The following ZNF510 variants were observed in gnomAD, a reference collection of about 807,000 sequenced individuals.
ZNF510 encodes zinc finger protein 510.
ZNF510 carries 15 observed loss-of-function variants against 18.1 expected under a neutral mutation model. The observed-to-expected ratio is 0.83, with a 90% CI of 0.55 to 1.28. The LOEUF (loss-of-function observed/expected upper bound fraction) is 1.28. Ranked by LOEUF, ZNF510 falls within the 50% of genes most tolerant of loss-of-function variation. The pLI, the probability that ZNF510 is intolerant of heterozygous loss-of-function variation, is 0.00. For missense variants in ZNF510, 724 were observed against 791.8 expected, an observed-to-expected ratio of 0.91 and a Z score of 1.03; for synonymous variants, 261 against 266.4, an observed-to-expected ratio of 0.98 and a Z score of 0.20.
intron 3 of ZNF510, 47 bp from the exon 4 acceptor site, chr9:96,763,679 G>C (rs1185714574): frequency 6.6e-7 from 1 of 1,506,466 alleles, no homozygotes; most frequent in Non-Finnish European, 8.9e-7. Flanking sequence ...AGAATTAGAT[G>C]ATGTAGAAAA....
intron 3 of ZNF510, among the ~76,000 whole-genome samples, chr9:96,765,069 C>T (rs148522955): frequency 4.0e-4 from 61 of 152,058 alleles, no homozygotes; most frequent in Admixed American, 8.5e-4. Context: ...GCTGAGATCG[C>T]GCCACTGCAC....
intron 3 of ZNF510, among the ~76,000 whole-genome samples, chr9:96,763,970 G>A (rs1391455905): frequency 6.6e-6 from 1 of 152,106 alleles, no homozygotes; most frequent in African/African-American, 2.4e-5. Flanking sequence ...GGTGGTATGT[G>A]CCTGTAGTCC....
intron 3 of ZNF510, among the ~76,000 whole-genome samples, chr9:96,766,621 C>T (rs10122201): frequency 0.059 from 8,972 of 151,874 alleles, 877 homozygotes; most frequent in African/African-American, 0.2. Flanking sequence ...CATAACATAA[C>T]TCTCTGGTTT....
At chr9:96,770,678 C>T (rs1370442079) in intron 3 of ZNF510, among the ~76,000 whole-genome samples, 4 of 151,830 alleles carry the variant, frequency 2.6e-5, no homozygotes, top group African/African-American at 9.7e-5. Context: ...TTAGAAATGT[C>T]CAGAATAGCC....
At chr9:96,773,024 C>T (rs1241819041) in intron 3 of ZNF510, among the ~76,000 whole-genome samples, 1 of 152,196 alleles carries the variant, frequency 6.6e-6, no homozygotes, top group Admixed American at 6.5e-5. Context: ...CAATGAAATA[C>T]AGCCCAGTGA....
intron 3 of ZNF510, among the ~76,000 whole-genome samples, chr9:96,773,114 T>A (rs1431455849): frequency 6.6e-6 from 1 of 152,206 alleles, no homozygotes; most frequent in East Asian, 1.9e-4. Context: ...ATTCTACTGG[T>A]ATCATATTCA....
In ZNF510 at chr9:96,759,314, G is replaced by T; in HGVS notation, c.1516C>A (p.His506Asn). 6.2e-7 allele frequency: 1 copy of T among 1,614,134 alleles called. No homozygotes were observed. Among genetic ancestry groups the T allele is most frequent in the Non-Finnish European group, 8.5e-7 (1 of 1,180,002 alleles). Residue 506 changes from histidine (H) to asparagine (N), a missense_variant, in exon 6 of 6, where the codon CAT (histidine) becomes AAT (asparagine). His to Asn is a moderately conservative substitution (Grantham distance 68). Coordinates refer to ENST00000223428, the MANE Select transcript of ZNF510 (RefSeq NM_014930.3). ...TFVQKSTLRD[H>N]HRIHTGEKSF... ...TTCTCCCCTGTGTGAATTCTGTGAT[G>T]ATCTCTGAGGGTGGACTTCTGAACA...
Position 96,760,428 on chromosome 9 carries a change from G to A in ZNF510, c.402C>T (p.Asp134=). ...DLIKQNKKIK[D]KHLEQAICIN... ...TACATATTGCTTGCTCCAAGTGTTTGTCTTTGATTTTCTTGTTCTGCTTGA... is the reference window on the plus strand; with the variant it reads ...TACATATTGCTTGCTCCAAGTGTTTATCTTTGATTTTCTTGTTCTGCTTGA... Residue 134 remains aspartate (D), a synonymous_variant, in exon 6 of 6, where the codon GAC becomes GAT. Transcript: ENST00000223428. 1 of 1,612,024 alleles carries A rather than the reference G, an allele frequency of 6.2e-7. No homozygotes were observed. The highest frequency in any genetic ancestry group is 8.5e-7 in the Non-Finnish European group (1 of 1,179,272).
In ZNF510 at chr9:96,759,132, G is replaced by A. The variant is rs770568746; in HGVS notation, c.1698C>T (p.His566=). ...KDHLIQHQKT[H]TGEKPFKCNE... ...TACATTTGAATGGTTTCTCTCCCGT[G>A]TGAGTTTTCTGATGTTGAATGAGAT... Residue 566 remains histidine (H), a synonymous_variant, in exon 6 of 6, where the codon CAC becomes CAT. Coordinates refer to ENST00000223428, the MANE Select transcript of ZNF510 (RefSeq NM_014930.3). 2.5e-6 allele frequency: 4 copies of A among 1,614,080 alleles called. No homozygotes were observed. Among genetic ancestry groups the A allele is most frequent in the Non-Finnish European group, 3.4e-6 (4 of 1,179,986 alleles).
Position 96,759,969 on chromosome 9 carries a change from A to G in ZNF510, c.861T>C (p.Phe287=). 1 of 1,613,264 alleles carries G rather than the reference A, an allele frequency of 6.2e-7. No individual in the cohort carries two copies. Among genetic ancestry groups the G allele is most frequent in the Non-Finnish European group, 8.5e-7 (1 of 1,179,936 alleles). Residue 287 remains phenylalanine, a synonymous_variant, in exon 6 of 6, where the codon TTT becomes TTC. Transcript: ENST00000223428. The part of the protein sequence containing the change: ...TGETSSKDDE[F]RKNCDKKTLF... ...GAGTTTTCTTATCACAATTTTTCCT[A>G]AATTCATCATCTTTAGAGGATGTTT... is the stretch of plus-strand genomic sequence containing the variant.
chr9:96,773,252 A>C (rs576445256), intron 3 of ZNF510, among the ~76,000 whole-genome samples: 75 of 152,318 alleles, frequency 4.9e-4, no homozygotes, highest in Non-Finnish European at 9.9e-4. Flanking sequence ...AAATCCATCC[A>C]GTTACACACT....
At position 96,755,326 on chromosome 9, in the gene ZNF510, T is replaced by G. The variant is rs1025112701; in HGVS notation, c.*3452A>C. ...GAGTAAAAAAAGTTTAAAGACAGAC[T>G]TGCTTTATATTAGGAAGTATTACAA... On this transcript the variant is annotated 3_prime_UTR_variant, in exon 6 of 6. Transcript: ENST00000223428. Among the ~76,000 whole-genome samples the G allele has an allele frequency of 9.8e-5, 15 of 152,328 alleles. No individual in the cohort carries two copies. Among genetic ancestry groups the G allele is most frequent in the Admixed American group, 9.8e-4 (15 of 15,304 alleles).
At chr9:96,773,274 T>A (rs1214974455) in intron 3 of ZNF510, among the ~76,000 whole-genome samples, 6 of 152,204 alleles carry the variant, frequency 3.9e-5, no homozygotes, top group Non-Finnish European at 7.3e-5. Context: ...CAGAGTACAC[T>A]TTACTGGTAT....
At chr9:96,775,919 G>A (rs1360627914) in intron 2 of ZNF510, 81 bp downstream of exon 2, 20 of 1,523,392 alleles carry the variant, frequency 1.3e-5, no homozygotes, top group Non-Finnish European at 1.7e-5. Context: ...CTTCCTTGGA[G>A]ACCATGGAGA....
chr9:96,759,600 C>T lies in ZNF510; in HGVS notation c.1230G>A (p.Gly410=). Residue 410 remains glycine, a synonymous_variant, in exon 6 of 6, where the codon GGG becomes GGA. Coordinates refer to ENST00000223428, the MANE Select transcript of ZNF510 (RefSeq NM_014930.3). ...GATGTCCTTTCTGACAGAAGGATTTCCCACATTCATTACATTTATAGGGTT... is the reference window on the plus strand; with the variant it reads ...GATGTCCTTTCTGACAGAAGGATTTTCCACATTCATTACATTTATAGGGTT... ...MMKPYKCNEC[G]KSFCQKGHLI... is the part of the protein sequence containing the mutation. 6.2e-7 allele frequency: 1 copy of T among 1,613,912 alleles called. No individual in the cohort carries two copies. The highest frequency in any genetic ancestry group is 8.5e-7 in the Non-Finnish European group (1 of 1,179,990).
chr9:96,775,271 G>C (rs1198418334), intron 2 of ZNF510, among the ~76,000 whole-genome samples: 1 of 152,004 alleles, frequency 6.6e-6, no homozygotes, highest in Non-Finnish European at 1.5e-5. Context: ...TGTAGCTTAG[G>C]CTGGTCTCGA....
At chr9:96,762,362 G>A (rs1268344933) in intron 5 of ZNF510, among the ~76,000 whole-genome samples, 1 of 151,436 alleles carries the variant, frequency 6.6e-6, no homozygotes, top group Non-Finnish European at 1.5e-5. Flanking sequence ...ACAAAAAATT[G>A]GCTGGGTGTG....
chr9:96,765,116 A>AC (rs1554796212), intron 3 of ZNF510, among the ~76,000 whole-genome samples: 4 of 152,020 alleles, frequency 2.6e-5, no homozygotes, highest in African/African-American at 9.7e-5. Flanking sequence ...CTTGTATAAA[A>AC]AACAACAACA....
Position 96,759,407 on chromosome 9 carries a change from G to A in ZNF510, c.1423C>T (p.Leu475Phe). Residue 475 changes from leucine to phenylalanine, a missense_variant, in exon 6 of 6, where the codon CTC becomes TTC. Physicochemically the swap from Leu to Phe is conservative, Grantham distance 22. Coordinates refer to ENST00000223428, the MANE Select transcript of ZNF510 (RefSeq NM_014930.3). ...CGKTFVQKST[L>F]RGHQRIHTGE... ...GTGTGAATTCTTTGATGTCCCCTGA[G>A]GGTTGACTTCTGGACAAATGTTTTT... The A allele has an allele frequency of 6.2e-7, 1 of 1,614,096 alleles. No individual in the cohort carries two copies. The highest frequency in any genetic ancestry group is 8.5e-7 in the Non-Finnish European group (1 of 1,179,988).
Sources: gnomAD v4.1 joint callset for allele counts (sites outside exome capture counted in the v4.1 genomes callset) on GRCh38, gnomAD v4.1.1 for gene constraint, MANE v1.5 for transcripts, NCBI Gene and HGNC (gene_info 2026-07-23, HGNC 2026-07-21) for gene names.